Variants in RIMS1 observed in about 807,000 individuals in gnomAD.
RIMS1 encodes regulating synaptic membrane exocytosis 1.
In RIMS1, 83 loss-of-function variants were observed where a neutral mutation model predicts 214.1. The ratio of observed to expected loss-of-function variants is 0.39; its 90% CI spans 0.32 to 0.47. RIMS1 has a LOEUF of 0.47. RIMS1 is among the 20% of genes least tolerant of loss of function. The pLI, the probability that RIMS1 is intolerant of heterozygous loss-of-function variation, is 0.99. For missense variants in RIMS1, 2,050 were observed against 2,161.8 expected, an observed-to-expected ratio of 0.95 and a Z score of 1.03; for synonymous variants, 793 against 786.8, an observed-to-expected ratio of 1.01 and a Z score of -0.13.
In RIMS1 at chr6:72,106,556, C is replaced by T. The variant is rs570399292; in HGVS notation, c.471+6570C>T. On this transcript the variant is annotated intron_variant, in intron 4 of 33. Transcript: ENST00000521978. ...AATCACAAGGAGAAGATGCACTTGA[C>T]GGACAGTATCACAGAAGTTTCTAGG... is the stretch of plus-strand genomic sequence containing the variant. Among the ~76,000 whole-genome samples, 6 of 152,276 alleles carry T rather than the reference C, an allele frequency of 3.9e-5. No homozygotes were observed. In the South Asian group the frequency reaches 8.3e-4, roughly 21 times the overall value.
chr6:72,067,750 A>G (rs1829658470), intron 2 of RIMS1, among the ~76,000 whole-genome samples: 1 of 152,222 alleles, frequency 6.6e-6, no homozygotes, highest in Admixed American at 6.5e-5. Flanking sequence ...GAATAAATGA[A>G]TAAAATCACT....
intron 29 of RIMS1, among the ~76,000 whole-genome samples, chr6:72,335,963 G>C (rs2096830467): frequency 1.3e-5 from 2 of 151,686 alleles, no homozygotes; most frequent in South Asian, 4.2e-4. Context: ...TCTAGATTCT[G>C]GTTATTAGCC....
chr6:72,240,536 T>C (rs928694043), intron 9 of RIMS1, among the ~76,000 whole-genome samples: 1 of 151,268 alleles, frequency 6.6e-6, no homozygotes, highest in South Asian at 2.1e-4. Flanking sequence ...ATTATATGTG[T>C]ACAGGATCAT....
chr6:71,951,835 A>G (rs1789678244), intron 1 of RIMS1, among the ~76,000 whole-genome samples: 1 of 152,014 alleles, frequency 6.6e-6, no homozygotes, highest in South Asian at 2.1e-4. Flanking sequence ...CTACTCAGTC[A>G]TGTGGTAAAC....
Position 72,066,076 on chromosome 6 carries a change from C to T in RIMS1, c.246-30873C>T, listed in dbSNP as rs188028169. ...TAGTTGTATATATGCAGGTGAAGACCATGGAGGAACTCAGATTAAACTAAG... is the reference window on the plus strand; with the variant it reads ...TAGTTGTATATATGCAGGTGAAGACTATGGAGGAACTCAGATTAAACTAAG... On this transcript the variant is annotated intron_variant, in intron 2 of 33. Coordinates refer to ENST00000521978, the MANE Select transcript of RIMS1 (RefSeq NM_014989.7). Among the ~76,000 whole-genome samples, 358 of 152,110 alleles carry T rather than the reference C, an allele frequency of 2.4e-3. 2 individuals are homozygous for T. The highest frequency in any genetic ancestry group is 7.9e-3 in the Admixed American group (120 of 15,274).
At chr6:72,274,237 C>T (rs562973707) in intron 22 of RIMS1, 112 bp from the exon 23 acceptor site, 1 of 611,006 alleles carries the variant, frequency 1.6e-6, no homozygotes, top group Non-Finnish European at 2.9e-6. Flanking sequence ...AGCAAAGAAT[C>T]TACACTTTGC....
In RIMS1 at chr6:71,942,688, AT is replaced by A. The variant is rs555837843; in HGVS notation, c.165-26291del. Among the ~76,000 whole-genome samples, 10 of 152,214 alleles carry A rather than the reference AT, an allele frequency of 6.6e-5. No individual in the cohort carries two copies. The South Asian group carries it at 1.9e-3, about 28-fold the overall frequency. The stretch of plus-strand genomic sequence containing the variant: ...ACTATATTATCAGAAGTTACCTGGT[AT>A]TTTGTAAAGAGATATCAAAAGTGAC... On this transcript the variant is annotated intron_variant, in intron 1 of 33. Coordinates refer to ENST00000521978, the MANE Select transcript of RIMS1 (RefSeq NM_014989.7).
chr6:71,886,846 T>G lies in RIMS1; in HGVS notation c.-178T>G. On this transcript the variant is annotated 5_prime_UTR_variant, in exon 1 of 34. Transcript: ENST00000521978. Reference sequence around the variant, plus strand: ...GTGGATGCAAACAACCATGAAAGACTGGGTTCTCGCTCTCCCCGGCTCTGC... The same window carrying G: ...GTGGATGCAAACAACCATGAAAGACGGGGTTCTCGCTCTCCCCGGCTCTGC... 1 of 659,546 alleles carries G rather than the reference T, an allele frequency of 1.5e-6. No homozygotes were observed. The highest frequency in any genetic ancestry group is 2.6e-6 in the Non-Finnish European group (1 of 384,762). 40.9% of individuals were successfully genotyped at this position (659,546 alleles called of 1,614,324 possible).
rs77327477 is a variant in RIMS1, at chr6:72,184,822, T to C, written c.1678+1673T>C. ...AGTAAGGAAGAGAAGCAAGCACTAGTATTTAAGGCAGGAAGGGTTAGGCTA... is the reference window on the plus strand; with the variant it reads ...AGTAAGGAAGAGAAGCAAGCACTAGCATTTAAGGCAGGAAGGGTTAGGCTA... On this transcript the variant is annotated intron_variant, in intron 6 of 33. Transcript: ENST00000521978. 2.5e-3 allele frequency among the ~76,000 whole-genome samples: 377 copies of C among 151,690 alleles called. 1 individual carries two copies. The highest frequency in any genetic ancestry group is 0.021 in the Middle Eastern group (6 of 286).
intron 1 of RIMS1, among the ~76,000 whole-genome samples, chr6:71,907,067 G>T (rs1408332779): frequency 6.6e-6 from 1 of 152,152 alleles, no homozygotes; most frequent in African/African-American, 2.4e-5. Context: ...TTAGCACAAT[G>T]CAGTTACCTG....
At chr6:71,954,045 T>C (rs1194328890) in intron 1 of RIMS1, among the ~76,000 whole-genome samples, 1 of 152,204 alleles carries the variant, frequency 6.6e-6, no homozygotes, top group Non-Finnish European at 1.5e-5. Context: ...GAGACTTTCA[T>C]GACTTTTTTT....
chr6:71,939,718 T>C (rs1785468881), intron 1 of RIMS1, among the ~76,000 whole-genome samples: 1 of 152,180 alleles, frequency 6.6e-6, no homozygotes, highest in Non-Finnish European at 1.5e-5. Context: ...TGATCTAATT[T>C]ATTCATGAAG....
chr6:71,972,979 A>G (rs1796240886), intron 2 of RIMS1, among the ~76,000 whole-genome samples: 1 of 152,228 alleles, frequency 6.6e-6, no homozygotes, highest in Admixed American at 6.5e-5. Context: ...GCAGTGGCAT[A>G]ATCTCAGCTC....
intron 23 of RIMS1, among the ~76,000 whole-genome samples, chr6:72,275,160 A>ATGC (rs2085663831): frequency 5.0e-5 from 1 of 20,038 alleles, no homozygotes; most frequent in African/African-American, 1.9e-4. Context: ...ATATATATAT[A>ATGC]TATATATATA....
At chr6:71,951,397 A>C (rs971699949) in intron 1 of RIMS1, among the ~76,000 whole-genome samples, 7 of 152,082 alleles carry the variant, frequency 4.6e-5, no homozygotes, top group African/African-American at 1.7e-4. Flanking sequence ...ACATTCTTAC[A>C]TTCAACCAAA....
intron 6 of RIMS1, among the ~76,000 whole-genome samples, chr6:72,203,552 T>C (rs907137312): frequency 8.5e-5 from 13 of 152,168 alleles, no homozygotes; most frequent in African/African-American, 2.7e-4. Context: ...TTATCCTAGT[T>C]CTGTCAAGAA....
intron 29 of RIMS1, among the ~76,000 whole-genome samples, chr6:72,351,807 T>C (rs1044267543): frequency 1.3e-5 from 2 of 152,160 alleles, no homozygotes; most frequent in Non-Finnish European, 2.9e-5. Flanking sequence ...CAGAAAAATA[T>C]TTAATTTGGA....
At chr6:72,012,395 G>A (rs373873884) in intron 2 of RIMS1, among the ~76,000 whole-genome samples, 20 of 151,994 alleles carry the variant, frequency 1.3e-4, no homozygotes, top group African/African-American at 4.6e-4. Flanking sequence ...CGAGTTAATG[G>A]GTGCAGCACA....
chr6:72,162,664 T>C lies in RIMS1; in HGVS notation c.472-16911T>C, dbSNP rs1387254058. 4.3e-5 allele frequency among the ~76,000 whole-genome samples: 6 copies of C among 140,602 alleles called. 1 individual carries two copies. The highest frequency in any genetic ancestry group is 2.4e-4 in the South Asian group (1 of 4,232). 92.2% of individuals were successfully genotyped at this position (140,602 alleles called of 152,430 possible). ...ACTTCTGAAGCTTAGTTTGGCTGGA[T>C]ATGAAATTCTGGGTTGAAAATTCTT... On this transcript the variant is annotated intron_variant, in intron 4 of 33. Coordinates refer to ENST00000521978, the MANE Select transcript of RIMS1 (RefSeq NM_014989.7).
Sources: allele counts gnomAD v4.1 joint callset (sites outside exome capture counted in the v4.1 genomes callset), GRCh38; gene constraint gnomAD v4.1.1; transcripts MANE v1.5; gene names NCBI Gene and HGNC (gene_info 2026-07-23, HGNC 2026-07-21).